The following CDH6 variants were observed in gnomAD, a reference collection of about 807,000 sequenced individuals.
The protein encoded by CDH6 is cadherin-6.
Under a neutral mutation model 78.0 loss-of-function variants are expected in CDH6, and 31 were observed. The observed-to-expected ratio is 0.40, with a 90% CI of 0.30 to 0.54. The LOEUF is 0.54. Ranked by LOEUF, CDH6 falls within the 20% of genes least tolerant of loss-of-function variation. The pLI, the probability that CDH6 is intolerant of heterozygous loss-of-function variation, is 0.56. For synonymous variants in CDH6, 376 were observed against 368.8 expected (o/e 1.02, Z -0.23); for missense variants, 724 against 975.9 (o/e 0.74, Z 3.44).
At chr5:31,286,408 AAG>A (rs1451898495) in intron 2 of CDH6, among the ~76,000 whole-genome samples, 1 of 152,242 alleles carries the variant, frequency 6.6e-6, no homozygotes, top group Admixed American at 6.5e-5. Context: ...GACCTGGCAC[AAG>A]AGTTGGCTTA....
At chr5:31,197,082 C>T (rs1740188535) in intron 1 of CDH6, among the ~76,000 whole-genome samples, 1 of 151,972 alleles carries the variant, frequency 6.6e-6, no homozygotes, top group Non-Finnish European at 1.5e-5. Context: ...TCAAAGAATT[C>T]CCCGTTCAAA....
intron 4 of CDH6, among the ~76,000 whole-genome samples, chr5:31,298,478 T>C (rs1402579010): frequency 6.6e-6 from 1 of 152,138 alleles, no homozygotes; most frequent in Non-Finnish European, 1.5e-5. Context: ...AGAGAAGTAC[T>C]ATTATTTGGA....
At chr5:31,214,801 G>A (rs908718581) in intron 1 of CDH6, among the ~76,000 whole-genome samples, 3 of 152,086 alleles carry the variant, frequency 2.0e-5, no homozygotes, top group Non-Finnish European at 4.4e-5. Flanking sequence ...AAAATGTCTA[G>A]CTTCAAAATG....
chr5:31,205,092 C>T (rs1364772966), intron 1 of CDH6, among the ~76,000 whole-genome samples: 1 of 152,156 alleles, frequency 6.6e-6, no homozygotes, highest in East Asian at 1.9e-4. Flanking sequence ...TTTGCCAACT[C>T]AAGATGAGAG....
chr5:31,257,158 C>T (rs1742076182), intron 1 of CDH6, among the ~76,000 whole-genome samples: 1 of 150,090 alleles, frequency 6.7e-6, no homozygotes, highest in African/African-American at 2.5e-5. Context: ...GAAGTATTCG[C>T]ATGTTTGTTT....
At chr5:31,253,175 G>T (rs982804569) in intron 1 of CDH6, among the ~76,000 whole-genome samples, 1 of 152,142 alleles carries the variant, frequency 6.6e-6, no homozygotes, top group African/African-American at 2.4e-5. Flanking sequence ...ATATGGTTTG[G>T]TTCTGTGTCC....
intron 1 of CDH6, among the ~76,000 whole-genome samples, chr5:31,226,466 C>T (rs1181029880): frequency 1.1e-4 from 16 of 152,210 alleles, no homozygotes; most frequent in South Asian, 2.1e-4. Flanking sequence ...TGAGCCACTG[C>T]GCCCGGCCCA....
Position 31,317,858 on chromosome 5 carries a change from A to G in CDH6, c.1816A>G (p.Ile606Val), listed in dbSNP as rs369311510. 15 of 1,613,506 alleles carry G rather than the reference A, an allele frequency of 9.3e-6. No individual in the cohort carries two copies. The African/African-American group carries it at 2.0e-4, about 22-fold the overall frequency. Residue 606 changes from isoleucine to valine, a missense_variant, in exon 11 of 12, where the codon ATC (isoleucine) becomes GTC (valine). Transcript: ENST00000265071. Reference protein sequence around the residue: ...NMQSCHAEALIHPTGLSTGAL... With the variant: ...NMQSCHAEALVHPTGLSTGAL... ...GCAATCCTGCCATGCGGAGGCGCTCATCCACCCCACGGGACTGAGCACGGG... is the reference window on the plus strand; with the variant it reads ...GCAATCCTGCCATGCGGAGGCGCTCGTCCACCCCACGGGACTGAGCACGGG...
intron 1 of CDH6, among the ~76,000 whole-genome samples, chr5:31,225,199 T>C (rs1243359457): frequency 2.0e-5 from 3 of 152,236 alleles, no homozygotes; most frequent in Non-Finnish European, 4.4e-5. Context: ...TGCCTTTTTA[T>C]GGCTCGATTT....
chr5:31,220,217 T>TC (rs372363404), intron 1 of CDH6, among the ~76,000 whole-genome samples: 6 of 152,158 alleles, frequency 3.9e-5, no homozygotes, highest in African/African-American at 1.4e-4. Flanking sequence ...GCTAACCAGT[T>TC]CCTTTTTTGA....
Position 31,299,645 on chromosome 5 carries a change from A to G in CDH6, c.811+14A>G. On this transcript the variant is annotated intron_variant, in intron 5 of 11. Coordinates refer to ENST00000265071, the MANE Select transcript of CDH6 (RefSeq NM_004932.4). The stretch of plus-strand genomic sequence containing the variant: ...GATTCCCCCAGAGTAGGAACATTTG[A>G]TTGAATGAATTTCTTCAATGTGCTT... 2 of 1,591,196 alleles carry G rather than the reference A, an allele frequency of 1.3e-6. No individual in the cohort carries two copies. Among genetic ancestry groups the G allele is most frequent in the South Asian group, 2.2e-5 (2 of 90,266 alleles).
Position 31,294,334 on chromosome 5 carries a change from A to C in CDH6, c.523+78A>C. 1 of 1,145,476 alleles carries C rather than the reference A, an allele frequency of 8.7e-7. No individual in the cohort carries two copies. The highest frequency in any genetic ancestry group is 1.3e-6 in the Non-Finnish European group (1 of 787,344). 71.0% of individuals were successfully genotyped at this position (1,145,476 alleles called of 1,614,324 possible). ...TGAGTAAGGAATCCCACGAGCTCAAAGTACTGAACTGCATGAATTTAGATG... is the reference window on the plus strand; with the variant it reads ...TGAGTAAGGAATCCCACGAGCTCAACGTACTGAACTGCATGAATTTAGATG... On this transcript the variant is annotated intron_variant, in intron 3 of 11. Coordinates refer to ENST00000265071, the MANE Select transcript of CDH6 (RefSeq NM_004932.4). The surrounding 1 kb of genome is among the most constrained non-coding windows in gnomAD (Gnocchi z 4.1).
intron 1 of CDH6, among the ~76,000 whole-genome samples, chr5:31,260,730 T>C (rs1742190731): frequency 6.6e-6 from 1 of 152,226 alleles, no homozygotes; most frequent in South Asian, 2.1e-4. Flanking sequence ...CCATAATGAT[T>C]CATTGGCACA....
intron 1 of CDH6, 39 bp from the exon 2 acceptor site, chr5:31,267,307 C>T: frequency 1.7e-6 from 1 of 578,396 alleles, no homozygotes. Flanking sequence ...GAATTTTAAG[C>T]ATCTCTAAAA....
chr5:31,302,952 AAAGAAGGAAAGAAAAG>A lies in CDH6; in HGVS notation c.999+657_999+672del, dbSNP rs757897073. 5.2e-3 allele frequency among the ~76,000 whole-genome samples: 693 copies of A among 132,108 alleles called. 11 individuals are homozygous for A. The highest frequency in any genetic ancestry group is 0.013 in the African/African-American group (489 of 38,564). The allele number at this position is 132,108 out of a possible 152,430, so 86.7% of individuals were successfully genotyped here. A position where few individuals can be genotyped will look rare whatever the true frequency, so the allele number is the denominator to read the frequency against. ...GAAAGAAAGAAAGAAAGAAAGAAAG[AAAGAAGGAAAGAAAAG>A]AAAGAAAGAAAGAAAGAAAACCAAT... is the stretch of plus-strand genomic sequence containing the variant. On this transcript the variant is annotated intron_variant, in intron 6 of 11. Coordinates refer to ENST00000265071, the MANE Select transcript of CDH6 (RefSeq NM_004932.4).
chr5:31,302,350 A>G (rs1737788984), intron 6 of CDH6, 52 bp downstream of exon 6: 1 of 1,312,592 alleles, frequency 7.6e-7, no homozygotes, highest in East Asian at 2.3e-5. Context: ...ACTTTTCTCC[A>G]GTTCCTAAGT....
chr5:31,200,275 G>T (rs1247640245), intron 1 of CDH6, among the ~76,000 whole-genome samples: 1 of 152,044 alleles, frequency 6.6e-6, no homozygotes, highest in Admixed American at 6.6e-5. Flanking sequence ...TATGAGGAAA[G>T]GGGTATTTCA....
At chr5:31,290,687 C>G (rs1203888644) in intron 2 of CDH6, among the ~76,000 whole-genome samples, 1 of 152,082 alleles carries the variant, frequency 6.6e-6, no homozygotes, top group Non-Finnish European at 1.5e-5. Context: ...AAAGAACTGG[C>G]CCCAGGGGAG....
Position 31,294,234 on chromosome 5 carries a change from T to A in CDH6, c.501T>A (p.Thr167=), listed in dbSNP as rs368856230. Residue 167 remains threonine (T), a synonymous_variant, in exon 3 of 12, where the codon ACT becomes ACA. Transcript: ENST00000265071. This position sits in a 1 kb window ranked among gnomAD's most constrained non-coding sequence, Gnocchi z 4.1. ...TCACCAAGGAGGTTTACACAGCCAC[T>A]GTCCCTGAAATGTCTGATGTCGGTG... ...PIFTKEVYTA[T]VPEMSDVGTF... The A allele has an allele frequency of 2.5e-6, 4 of 1,613,416 alleles. No individual in the cohort carries two copies. In the African/African-American group the frequency reaches 5.3e-5, roughly 22 times the overall value.
Sources: allele counts gnomAD v4.1 joint callset (sites outside exome capture counted in the v4.1 genomes callset), GRCh38; gene constraint gnomAD v4.1.1; non-coding constraint Gnocchi (gnomAD v3.1); transcripts MANE v1.5; gene names NCBI Gene and HGNC (gene_info 2026-07-23, HGNC 2026-07-21).